Variants in ISLR2 observed in about 807,000 individuals in gnomAD.
ISLR2 encodes the protein immunoglobulin superfamily containing leucine rich repeat 2.
Under a neutral mutation model 25.5 loss-of-function variants are expected in ISLR2, and 16 were observed. That is an observed-to-expected ratio of 0.63 (90% CI 0.43 to 0.95). The LOEUF is 0.95. Ranked by LOEUF, ISLR2 falls within the 40% of genes least tolerant of loss-of-function variation. The probability of loss-of-function intolerance (pLI) is 0.00; values close to 1 mark genes in which losing one functional copy is unlikely to be tolerated. For synonymous variants in ISLR2, 508 were observed against 486.6 expected (o/e 1.04, Z -0.58); for missense variants, 883 against 1,030.7 (o/e 0.86, Z 1.96).
chr15:74,129,147 G>A (rs949372932), upstream of ISLR2: 7 of 433,428 alleles, frequency 1.6e-5, no homozygotes, highest in Non-Finnish European at 2.8e-5. This position sits in a 1 kb window ranked among gnomAD's most constrained non-coding sequence, Gnocchi z 4.5. Flanking sequence ...TCTGTGTTCT[G>A]AACTGGGGCT....
intron 2 of ISLR2, among the ~76,000 whole-genome samples, chr15:74,110,657 A>T (rs1003911341): frequency 1.6e-4 from 19 of 121,358 alleles, no homozygotes; most frequent in Non-Finnish European, 2.2e-4. Flanking sequence ...GTCTCTACTT[A>T]AAAAAAAAAA....
intron 2 of ISLR2, among the ~76,000 whole-genome samples, chr15:74,112,668 T>C (rs1418671553): frequency 6.6e-6 from 1 of 151,566 alleles, no homozygotes; most frequent in Non-Finnish European, 1.5e-5. Context: ...GATGGAACTA[T>C]AGGCGCATGT....
In ISLR2 at chr15:74,133,342, C is replaced by T. The variant is rs2141956842; in HGVS notation, c.588C>T (p.Ala196=). The T allele has an allele frequency of 5.6e-6, 9 of 1,608,764 alleles. No homozygotes were observed. The highest frequency in any genetic ancestry group is 7.6e-6 in the Non-Finnish European group (9 of 1,179,806). The change falls in exon 3 of 3, where the codon GCC becomes GCT. Residue 196 remains alanine, a synonymous_variant. Transcript: ENST00000453268. ...GCGLVWLQAW[A]ASTRVSLPEP... is the part of the protein sequence containing the mutation. ...GCCTTGTGTGGCTGCAGGCCTGGGC[C>T]GCGAGCACCCGGGTGTCCTTACCCG...
Position 74,135,019 on chromosome 15 carries a change from C to T in ISLR2, c.*27C>T. The T allele has an allele frequency of 6.2e-7, 1 of 1,600,484 alleles. No individual in the cohort carries two copies. Among genetic ancestry groups the T allele is most frequent in the Non-Finnish European group, 8.5e-7 (1 of 1,172,584 alleles). ...CCTCCGCCCGTCCGGCCCGCCCATT[C>T]CCGACCTCCACCTAGGGTGCCTGGG... On this transcript the variant is annotated 3_prime_UTR_variant, in exon 3 of 3. Transcript: ENST00000453268.
intron 2 of ISLR2, among the ~76,000 whole-genome samples, chr15:74,106,168 A>T (rs2072118282): frequency 6.6e-6 from 1 of 152,108 alleles, no homozygotes; most frequent in Non-Finnish European, 1.5e-5. Flanking sequence ...TGCAGCCTGG[A>T]TGACAGAGCA....
At chr15:74,123,432 C>A (rs1451240819), upstream of ISLR2, among the ~76,000 whole-genome samples, 1 of 152,186 alleles carries the variant, frequency 6.6e-6, no homozygotes, top group African/African-American at 2.4e-5. Context: ...CACCCAAGGG[C>A]CTCAAGACAC....
Position 74,135,116 on chromosome 15 carries a change from T to C in ISLR2, c.*124T>C. The C allele has an allele frequency of 8.4e-7, 1 of 1,184,968 alleles. No individual in the cohort carries two copies. The highest frequency in any genetic ancestry group is 1.2e-6 in the Non-Finnish European group (1 of 844,036). 73.4% of individuals were successfully genotyped at this position (1,184,968 alleles called of 1,614,324 possible). ...TTCACCTACTCCTCCCCCTTACTACTCCCCAACCTTGACTACCAGGGACTT... is the reference window on the plus strand; with the variant it reads ...TTCACCTACTCCTCCCCCTTACTACCCCCCAACCTTGACTACCAGGGACTT... On this transcript the variant is annotated 3_prime_UTR_variant, in exon 3 of 3. Transcript: ENST00000453268.
At chr15:74,111,711 C>T (rs1401072991) in intron 2 of ISLR2, among the ~76,000 whole-genome samples, 1 of 152,096 alleles carries the variant, frequency 6.6e-6, no homozygotes, top group Non-Finnish European at 1.5e-5. Context: ...GCTGGAACTA[C>T]AAGCCCGTGC....
At chr15:74,106,174 G>C (rs2072118335) in intron 2 of ISLR2, among the ~76,000 whole-genome samples, 1 of 152,150 alleles carries the variant, frequency 6.6e-6, no homozygotes, top group East Asian at 1.9e-4. Context: ...CTGGATGACA[G>C]AGCAAGACCC....
chr15:74,132,085 T>C lies in ISLR2; in HGVS notation c.-8-662T>C, dbSNP rs1417399994. 1 of 152,560 alleles carries C rather than the reference T, an allele frequency of 6.6e-6. No individual in the cohort carries two copies. The highest frequency in any genetic ancestry group is 2.4e-5 in the African/African-American group (1 of 41,470). 9.5% of individuals were successfully genotyped at this position (152,560 alleles called of 1,614,324 possible). On this transcript the variant is annotated intron_variant, in intron 2 of 2. Transcript: ENST00000453268. The surrounding 1 kb of genome is among the most constrained non-coding windows in gnomAD (Gnocchi z 4.3). ...TCACAATGGACAGGAAAGCGCTTTG[T>C]ACCGTGGTGGAAAACACGTACAAAT... is the stretch of plus-strand genomic sequence containing the variant.
Position 74,136,226 on chromosome 15 carries a change from A to G in ISLR2, c.*1234A>G, listed in dbSNP as rs1364699055. 1.8e-5 allele frequency: 3 copies of G among 166,654 alleles called. No homozygotes were observed. Among genetic ancestry groups the G allele is most frequent in the African/African-American group, 4.8e-5 (2 of 41,464 alleles). The allele number at this position is 166,654 out of a possible 1,614,324, so 10.3% of individuals were successfully genotyped here. A position where few individuals can be genotyped will look rare whatever the true frequency, so the allele number is the denominator to read the frequency against. ...GGCTTTCCGGAGGTCTGTGCGCCCA[A>G]CAGCGCCGCTCCCGCGGCTCCACCC... On this transcript the variant is annotated 3_prime_UTR_variant, in exon 3 of 3. Transcript: ENST00000453268.
At chr15:74,129,427 AC>A (rs2072356218), upstream of ISLR2, 1 of 192,362 alleles carries the variant, frequency 5.2e-6, no homozygotes, top group Non-Finnish European at 1.1e-5. This position sits in a 1 kb window ranked among gnomAD's most constrained non-coding sequence, Gnocchi z 4.5. Flanking sequence ...CCATCGAGAG[AC>A]CCCCATGGCC....
Position 74,132,871 on chromosome 15 carries a change from C to T in ISLR2, c.117C>T (p.Tyr39=). 3 of 1,614,138 alleles carry T rather than the reference C, an allele frequency of 1.9e-6. No individual in the cohort carries two copies. The highest frequency in any genetic ancestry group is 2.5e-6 in the Non-Finnish European group (3 of 1,179,964). The part of the protein sequence containing the change: ...KYAHQFADCA[Y]KELREVPEGL... Reference sequence around the variant, plus strand: ...CTCACCAGTTCGCGGACTGCGCTTACAAAGAGTTGCGTGAGGTGCCGGAAG... The same window carrying T: ...CTCACCAGTTCGCGGACTGCGCTTATAAAGAGTTGCGTGAGGTGCCGGAAG... The change falls in exon 3 of 3, where the codon TAC becomes TAT. Residue 39 remains tyrosine, a synonymous_variant. Transcript: ENST00000453268. The surrounding 1 kb of genome is among the most constrained non-coding windows in gnomAD (Gnocchi z 4.3).
At chr15:74,124,202 A>T (rs74023412), upstream of ISLR2, among the ~76,000 whole-genome samples, 911 of 150,858 alleles carry the variant, frequency 6.0e-3, 10 homozygotes, top group African/African-American at 0.021. Context: ...ATTCATTTTG[A>T]TACAATATTA....
At position 74,133,010 on chromosome 15, in the gene ISLR2, G is replaced by A; in HGVS notation, c.256G>A (p.Glu86Lys). The A allele has an allele frequency of 1.9e-6, 3 of 1,613,318 alleles. No individual in the cohort carries two copies. The highest frequency in any genetic ancestry group is 2.5e-6 in the Non-Finnish European group (3 of 1,179,896). The change falls in exon 3 of 3, where the codon GAG (glutamate) becomes AAG (lysine). Residue 86 changes from glutamate to lysine, a missense_variant. Physicochemically the swap from Glu to Lys is moderately conservative, Grantham distance 56 (BLOSUM62 1). Transcript: ENST00000453268. ...CACGTCGCTGTGGCTGGCGCACAAT[G>A]AGGTGCGCACCGTGGAGCCAGGCGC... ...QVTSLWLAHN[E>K]VRTVEPGALA...
At chr15:74,123,835 T>G (rs1407102714), upstream of ISLR2, among the ~76,000 whole-genome samples, 2 of 152,146 alleles carry the variant, frequency 1.3e-5, no homozygotes, top group Non-Finnish European at 2.9e-5. Context: ...AGAACAGATT[T>G]TTATCCTTTC....
chr15:74,137,521 T>A (rs773456245), downstream of ISLR2, among the ~76,000 whole-genome samples: 1 of 152,074 alleles, frequency 6.6e-6, no homozygotes, highest in Non-Finnish European at 1.5e-5. Context: ...ACACACTGAT[T>A]TCATAGTCCT....
intron 2 of ISLR2, among the ~76,000 whole-genome samples, chr15:74,110,268 G>T (rs1329242191): frequency 3.3e-5 from 5 of 152,152 alleles, no homozygotes; most frequent in Admixed American, 2.6e-4. Context: ...TCGCTGGTGG[G>T]AATATAAAAT....
chr15:74,134,556 T>C lies in ISLR2; in HGVS notation c.1802T>C (p.Leu601Pro). 1 of 1,614,140 alleles carries C rather than the reference T, an allele frequency of 6.2e-7. No homozygotes were observed. The highest frequency in any genetic ancestry group is 8.5e-7 in the Non-Finnish European group (1 of 1,180,024). ...ATAGTGGCAGTGAGCGTATTCCTCCTGGTGCTGGCCACAGTGCCCCTTCTG... is the reference window on the plus strand; with the variant it reads ...ATAGTGGCAGTGAGCGTATTCCTCCCGGTGCTGGCCACAGTGCCCCTTCTG... Reference protein sequence around the residue: ...LVIVAVSVFLLVLATVPLLGA... With the variant: ...LVIVAVSVFLPVLATVPLLGA... Residue 601 changes from leucine (L) to proline (P), a missense_variant, in exon 3 of 3, where the codon CTG (leucine) becomes CCG (proline). By Grantham distance (98) the Leu-to-Pro change is moderately conservative. This residue lies in a region of ISLR2 where 612 missense variants were observed against 642.8 expected (regional missense o/e 0.95). Transcript: ENST00000453268.
Sources: gnomAD v4.1 joint callset for allele counts (sites outside exome capture counted in the v4.1 genomes callset) on GRCh38, gnomAD v4.1.1 for gene constraint, gnomAD v4.1.1 regional missense constraint, Gnocchi (gnomAD v3.1) non-coding constraint, MANE v1.5 for transcripts, NCBI Gene and HGNC (gene_info 2026-07-23, HGNC 2026-07-21) for gene names.